WDR87: variants seen among roughly 807,000 people sequenced by gnomAD.
WDR87 encodes WD repeat-containing protein 87.
In WDR87, 56 loss-of-function variants were observed where a neutral mutation model predicts 83.3. The observed-to-expected ratio is 0.67, with a 90% CI of 0.54 to 0.84. The LOEUF (loss-of-function observed/expected upper bound fraction) is 0.84, where lower values mean the gene tolerates loss of function less well. Ranked by LOEUF, WDR87 falls within the 40% of genes least tolerant of loss-of-function variation. The probability of loss-of-function intolerance (pLI) is 0.00; values close to 1 mark genes in which losing one functional copy is unlikely to be tolerated. For synonymous variants in WDR87, 1,173 were observed against 1,250.6 expected (o/e 0.94, Z 1.31); for missense variants, 2,939 against 3,431.9 (o/e 0.86, Z 3.59).
At chr19:37,897,970 C>T (rs555253399) in intron 2 of WDR87, among the ~76,000 whole-genome samples, 195 bp downstream of exon 2, 57 of 152,252 alleles carry the variant, frequency 3.7e-4, no homozygotes, top group Middle Eastern at 6.8e-3. Context: ...GTCCACTTTC[C>T]ACTATCAAAA....
At position 37,894,565 on chromosome 19, in the gene WDR87, T is replaced by C. The variant is rs1398738128; in HGVS notation, c.1138A>G (p.Ile380Val). 1 of 1,551,660 alleles carries C rather than the reference T, an allele frequency of 6.4e-7. No individual in the cohort carries two copies. The highest frequency in any genetic ancestry group is 2.4e-5 in the East Asian group (1 of 40,918). ...RVCCGNNWFR[I>V]LCTTEDGLLR... Reference sequence around the variant, plus strand: ...AAGCCATCCTCAGTGGTACACAGGATCCGGAACCAGTTATTTCCACAGCAG... The same window carrying C: ...AAGCCATCCTCAGTGGTACACAGGACCCGGAACCAGTTATTTCCACAGCAG... The change falls in exon 4 of 6, where the codon ATC (isoleucine) becomes GTC (valine). Residue 380 changes from isoleucine to valine, a missense_variant. Physicochemically the swap from Ile to Val is conservative, Grantham distance 29. Around this residue, in one of 3 missense-constraint regions of WDR87, gnomAD observed 553 missense variants for 577.9 expected, o/e 0.96. Coordinates refer to ENST00000447313, the MANE Select transcript of WDR87 (RefSeq NM_001291088.2).
Position 37,886,562 on chromosome 19 carries a change from C to T in WDR87, c.7109G>A (p.Cys2370Tyr). Residue 2370 changes from cysteine to tyrosine, a missense_variant, in exon 6 of 6, where the codon TGC becomes TAC. Transcript: ENST00000447313. ...LSDEEEEEES[C>Y]SLEEEVDREK... Reference sequence around the variant, plus strand: ...CCTGTCCACCTCTTCTTCCAATGAGCAGCTCTCCTCTTCCTCTTCCTCGTC... The same window carrying T: ...CCTGTCCACCTCTTCTTCCAATGAGTAGCTCTCCTCTTCCTCTTCCTCGTC... The T allele has an allele frequency of 6.6e-7, 1 of 1,508,786 alleles. No homozygotes were observed. Among genetic ancestry groups the T allele is most frequent in the South Asian group, 1.3e-5 (1 of 74,166 alleles). 93.5% of individuals were successfully genotyped at this position (1,508,786 alleles called of 1,614,324 possible).
rs1381264022 is a variant in WDR87 at position 37,887,190 on chromosome 19, CTT to C, written c.6479_6480del (p.Lys2160ArgfsTer6). On this transcript the variant is annotated frameshift_variant, in exon 6 of 6. Coordinates refer to ENST00000447313, the MANE Select transcript of WDR87 (RefSeq NM_001291088.2). LOFTEE classifies it low-confidence loss of function (END_TRUNC). ...GATCGTTTTTCAGAAAAATCCCACT[CTT>C]TGATATCCAGCTTACTCTGTTCTAT... ...LSIEQSKLDI[K>X]EWDFSEKRSE... 2 of 1,551,702 alleles carry C rather than the reference CTT, an allele frequency of 1.3e-6. No homozygotes were observed. The highest frequency in any genetic ancestry group is 1.2e-5 in the South Asian group (1 of 84,058).
intron 1 of WDR87, among the ~76,000 whole-genome samples, chr19:37,900,320 A>G (rs1029999953): frequency 6.6e-6 from 1 of 151,990 alleles, no homozygotes; most frequent in African/African-American, 2.4e-5. Context: ...CCAGCACTTT[A>G]AGAGGCCGAG....
In WDR87 at chr19:37,890,376, A is replaced by C. The variant is rs527903682; in HGVS notation, c.3395-100T>G. 7 of 1,375,118 alleles carry C rather than the reference A, an allele frequency of 5.1e-6. No homozygotes were observed. In the African/African-American group the frequency reaches 1.0e-4, roughly 20 times the overall value. The allele number at this position is 1,375,118 out of a possible 1,614,324, so 85.2% of individuals were successfully genotyped here. A position where few individuals can be genotyped will look rare whatever the true frequency, so the allele number is the denominator to read the frequency against. ...GAGCTAAGAAGAACTGTCATATAAGAAGTAACAACAGAGAGAACTGAGGCC... is the reference window on the plus strand; with the variant it reads ...GAGCTAAGAAGAACTGTCATATAAGCAGTAACAACAGAGAGAACTGAGGCC... On this transcript the variant is annotated intron_variant, in intron 5 of 5. Coordinates refer to ENST00000447313, the MANE Select transcript of WDR87 (RefSeq NM_001291088.2).
Position 37,887,506 on chromosome 19 carries a change from T to C in WDR87, c.6165A>G (p.Ile2055Met). ...CCAATATCCTGTCTTCATGTAGCAG[T>C]ATCTTCTCCTCTAGTGACAATTTTC... ...FERKLSLEEK[I>M]LLHEDRILAM... Residue 2055 changes from isoleucine (I) to methionine (M), a missense_variant, in exon 6 of 6, where the codon ATA (isoleucine) becomes ATG (methionine). Transcript: ENST00000447313. The C allele has an allele frequency of 6.4e-7, 1 of 1,551,834 alleles. No individual in the cohort carries two copies. The highest frequency in any genetic ancestry group is 8.7e-7 in the Non-Finnish European group (1 of 1,147,068).
At position 37,886,833 on chromosome 19, in the gene WDR87, C is replaced by G; in HGVS notation, c.6838G>C (p.Glu2280Gln). Residue 2280 changes from glutamate to glutamine, a missense_variant, in exon 6 of 6, where the codon GAG becomes CAG. Glu to Gln is a conservative substitution (Grantham distance 29). Coordinates refer to ENST00000447313, the MANE Select transcript of WDR87 (RefSeq NM_001291088.2). The stretch of plus-strand genomic sequence containing the variant: ...TCCTCCTCCTCAGAAGACAAACTCT[C>G]TTGCTTTTCTAGTTCATCTAACAGG... The part of the protein sequence containing the change: ...ESLLDELEKQ[E>Q]SLSSEEEEER... 2.6e-6 allele frequency: 4 copies of G among 1,551,108 alleles called. No homozygotes were observed. The highest frequency in any genetic ancestry group is 3.3e-4 in the Middle Eastern group (2 of 5,992).
chr19:37,893,651 A>G lies in WDR87; in HGVS notation c.2052T>C (p.Thr684=), dbSNP rs2046227510. ...CTGATATGCTCATAAAGGAAAGGCG[A>G]GTCAGCAGGGCTGGGGGAAGCAATT... ...CLKLLPPALL[T]RLSFMSISDE... The change falls in exon 4 of 6, where the codon ACT becomes ACC. Residue 684 remains threonine (T), a synonymous_variant. Transcript: ENST00000447313. The G allele has an allele frequency of 3.2e-6, 5 of 1,552,228 alleles. No homozygotes were observed. In the East Asian group the frequency reaches 1.2e-4, roughly 38 times the overall value.
rs1189373721 is a variant in WDR87 at position 37,896,138 on chromosome 19, T to C, written c.246A>G (p.Gln82=). ...AGAAGGGTAAGAAAGGCAGTCTTAC[T>C]TGTATTTCTTTTGTGTTTGATGTCA... ...SWVTSNTKEI[Q]AVAWMKSKTE... The change falls in exon 3 of 6, where the codon CAA becomes CAG. Residue 82 remains glutamine, a splice_region_variant and synonymous_variant. Transcript: ENST00000447313. 5 of 1,552,138 alleles carry C rather than the reference T, an allele frequency of 3.2e-6. No homozygotes were observed. Among genetic ancestry groups the C allele is most frequent in the Non-Finnish European group, 4.4e-6 (5 of 1,147,122 alleles).
intron 2 of WDR87, among the ~76,000 whole-genome samples, chr19:37,896,613 C>A (rs2046258055): frequency 6.6e-6 from 1 of 151,984 alleles, no homozygotes; most frequent in Admixed American, 6.6e-5. Flanking sequence ...TGCCCTCTAA[C>A]ATTCTTTTTT....
chr19:37,890,272 T>C lies in WDR87; in HGVS notation c.3399A>G (p.Gln1133=). ...RGQAGVKKHS[Q]KWLRGLKKTK... ...TCTTCTTGAGACCCCGCAACCATTT[T>C]TGGCCTGCAGTAAAAATCGAGAGAT... is the stretch of plus-strand genomic sequence containing the variant. Residue 1133 remains glutamine, a synonymous_variant, in exon 6 of 6, where the codon CAA becomes CAG. Transcript: ENST00000447313. 2 of 1,521,360 alleles carry C rather than the reference T, an allele frequency of 1.3e-6. No individual in the cohort carries two copies. The highest frequency in any genetic ancestry group is 2.5e-5 in the South Asian group (2 of 80,320). 94.2% of individuals were successfully genotyped at this position (1,521,360 alleles called of 1,614,324 possible). A position where few individuals can be genotyped will look rare whatever the true frequency, so the allele number is the denominator to read the frequency against.
Position 37,906,494 on chromosome 19 carries a change from G to A in WDR87, c.-47+5C>T, listed in dbSNP as rs1317871757. On this transcript the variant is annotated splice_donor_5th_base_variant and intron_variant, in intron 1 of 5. Coordinates refer to ENST00000447313, the MANE Select transcript of WDR87 (RefSeq NM_001291088.2). ...CTATCTCAAAGCATTGGCTGCGCCT[G>A]TTACCTGCGACAGGATTCCCGACAA... The A allele has an allele frequency of 6.6e-6, 1 of 152,178 alleles. No homozygotes were observed. Among genetic ancestry groups the A allele is most frequent in the East Asian group, 1.9e-4 (1 of 5,160 alleles). 9.4% of individuals were successfully genotyped at this position (152,178 alleles called of 1,614,324 possible).
intron 1 of WDR87, among the ~76,000 whole-genome samples, chr19:37,905,684 T>C (rs1319187691): frequency 1.3e-5 from 2 of 152,110 alleles, no homozygotes; most frequent in Admixed American, 6.6e-5. Flanking sequence ...GCCTCTTAAA[T>C]AGCTGGGACT....
chr19:37,902,796 G>A (rs1245937760), intron 1 of WDR87, among the ~76,000 whole-genome samples: 1 of 152,252 alleles, frequency 6.6e-6, no homozygotes, highest in East Asian at 1.9e-4. Flanking sequence ...TGCACTCCAC[G>A]ACACGGTCAG....
At position 37,885,431 on chromosome 19, in the gene WDR87, T is replaced by G. The variant is rs577492453; in HGVS notation, c.8240A>C (p.Lys2747Thr). 28 of 1,551,798 alleles carry G rather than the reference T, an allele frequency of 1.8e-5. 1 individual carries two copies. In the South Asian group the frequency reaches 2.5e-4, roughly 14 times the overall value. The change falls in exon 6 of 6, where the codon AAG (lysine) becomes ACG (threonine). Residue 2747 changes from lysine to threonine, a missense_variant. This residue lies in a region of WDR87 where 2,160 missense variants were observed against 2,533.1 expected (regional missense o/e 0.85). Coordinates refer to ENST00000447313, the MANE Select transcript of WDR87 (RefSeq NM_001291088.2). ...AATGGGCTGTGTCTTCTTCTCTAAC[T>G]TGGGCAGTTTAGGAAACCTGCGTTT... ...KDKRRFPKLP[K>T]LEKKTQPISK...
chr19:37,902,683 T>C (rs2046300525), intron 1 of WDR87, among the ~76,000 whole-genome samples: 1 of 152,198 alleles, frequency 6.6e-6, no homozygotes, highest in African/African-American at 2.4e-5. Flanking sequence ...TTCCTTTTCT[T>C]AGCACCAGTC....
intron 1 of WDR87, among the ~76,000 whole-genome samples, chr19:37,899,044 G>T (rs767441996): frequency 4.6e-5 from 7 of 151,912 alleles, no homozygotes; most frequent in Non-Finnish European, 1.0e-4. Flanking sequence ...TGAGATTAAG[G>T]CCCATCAATC....
intron 1 of WDR87, among the ~76,000 whole-genome samples, chr19:37,903,253 T>C (rs768889128): frequency 3.3e-5 from 5 of 152,202 alleles, no homozygotes; most frequent in Non-Finnish European, 5.9e-5. Context: ...CTAGGCTTAC[T>C]TGGTTCTTTG....
chr19:37,900,608 A>G (rs900181817), intron 1 of WDR87, among the ~76,000 whole-genome samples: 2 of 149,268 alleles, frequency 1.3e-5, no homozygotes, highest in Admixed American at 6.7e-5. Context: ...GGATTCTTCT[A>G]CTATATCAGA....
Sources: allele counts gnomAD v4.1 joint callset (sites outside exome capture counted in the v4.1 genomes callset), GRCh38; gene constraint gnomAD v4.1.1; regional missense constraint gnomAD v4.1.1; transcripts MANE v1.5; gene names NCBI Gene and HGNC (gene_info 2026-07-23, HGNC 2026-07-21).